Variants in SLC30A2 observed in about 807,000 individuals in gnomAD.
SLC30A2 encodes solute carrier family 30 member 2, also known as proton-coupled zinc antiporter SLC30A2.
Under a neutral mutation model 39.6 loss-of-function variants are expected in SLC30A2, and 19 were observed. That is an observed-to-expected ratio of 0.48 (90% CI 0.34 to 0.70). The LOEUF (loss-of-function observed/expected upper bound fraction) is 0.70. SLC30A2 is among the 30% of genes least tolerant of loss of function. The pLI is 0.01. For missense variants in SLC30A2, 387 were observed against 479.4 expected (o/e 0.81, Z 1.80); for synonymous variants, 195 against 194.8 (o/e 1.00, Z -0.01).
intron 4 of SLC30A2, 37 bp from the exon 5 acceptor site, chr1:26,042,745 G>A (rs772068028): frequency 6.2e-7 from 1 of 1,600,042 alleles, no homozygotes; most frequent in Non-Finnish European, 8.5e-7. Flanking sequence ...GCTCACTGAG[G>A]TCGCAGATGG....
intron 1 of SLC30A2, 190 bp from the exon 2 acceptor site, chr1:26,045,407 C>A: frequency 1.6e-6 from 1 of 615,818 alleles, no homozygotes; most frequent in Non-Finnish European, 2.8e-6. Flanking sequence ...TCCTGGGGCC[C>A]GGGGCCCTTC....
At position 26,041,888 on chromosome 1, in the gene SLC30A2, G is replaced by C. The variant is rs555436601; in HGVS notation, c.733-83C>G. 9.7e-6 allele frequency: 8 copies of C among 826,286 alleles called. No individual in the cohort carries two copies. In the Admixed American group the frequency reaches 1.7e-4, roughly 17 times the overall value. 51.2% of individuals were successfully genotyped at this position (826,286 alleles called of 1,614,324 possible). A position where few individuals can be genotyped will look rare whatever the true frequency, so the allele number is the denominator to read the frequency against. On this transcript the variant is annotated intron_variant, in intron 5 of 7. Coordinates refer to ENST00000374276, the MANE Select transcript of SLC30A2 (RefSeq NM_001004434.3). ...TCTCCCCTCCCACCCAGCACTGCTG[G>C]GGAGAGGTGCTCTCTCTGCTGGGTG... is the stretch of plus-strand genomic sequence containing the variant.
intron 1 of SLC30A2, 137 bp from the exon 2 acceptor site, chr1:26,045,354 G>A: frequency 1.5e-6 from 1 of 686,122 alleles, no homozygotes; most frequent in Non-Finnish European, 2.4e-6. Context: ...CAAACCAGAG[G>A]TGAGAAGCCT....
intron 6 of SLC30A2, among the ~76,000 whole-genome samples, chr1:26,041,175 C>T (rs2050393538): frequency 6.6e-6 from 1 of 152,324 alleles, no homozygotes; most frequent in Non-Finnish European, 1.5e-5. Context: ...TCTCCAACCC[C>T]ACAAAGCACA....
chr1:26,042,377 G>A (rs539144145), intron 5 of SLC30A2, among the ~76,000 whole-genome samples, 172 bp downstream of exon 5: 144 of 152,342 alleles, frequency 9.5e-4, no homozygotes, highest in Non-Finnish European at 1.9e-3. Context: ...TTGTTGTGAG[G>A]ATCAGAAGTG....
chr1:26,042,668 G>A lies in SLC30A2; in HGVS notation c.613C>T (p.His205Tyr), dbSNP rs377645638. The A allele has an allele frequency of 1.9e-6, 3 of 1,614,164 alleles. No homozygotes were observed. Among genetic ancestry groups the A allele is most frequent in the Middle Eastern group, 3.3e-4 (2 of 6,058 alleles). The stretch of plus-strand genomic sequence containing the variant: ...TCCTCCTGCTGGTTGGTGGTGCCGT[G>A]GCTGTGCCCATGGCCAGACTGGTGA... Reference protein sequence around the residue: ...TLHQSGHGHSHGTTNQQEENP... With the variant: ...TLHQSGHGHSYGTTNQQEENP... Residue 205 changes from histidine to tyrosine, a missense_variant, in exon 5 of 8, where the codon CAC (histidine) becomes TAC (tyrosine). Transcript: ENST00000374276.
Position 26,039,686 on chromosome 1 carries a change from G to T in SLC30A2, c.973+91C>A. On this transcript the variant is annotated intron_variant, in intron 7 of 7. Coordinates refer to ENST00000374276, the MANE Select transcript of SLC30A2 (RefSeq NM_001004434.3). This position sits in a 1 kb window ranked among gnomAD's most constrained non-coding sequence, Gnocchi z 4.3. ...GCTGGGCTTGATGCATGGGCACTGTGAGCATCTGGGGTCACCTGGACCCGT... is the reference window on the plus strand; with the variant it reads ...GCTGGGCTTGATGCATGGGCACTGTTAGCATCTGGGGTCACCTGGACCCGT... 1 of 1,358,296 alleles carries T rather than the reference G, an allele frequency of 7.4e-7. No homozygotes were observed. The highest frequency in any genetic ancestry group is 1.0e-6 in the Non-Finnish European group (1 of 984,548). 84.1% of individuals were successfully genotyped at this position (1,358,296 alleles called of 1,614,324 possible).
At position 26,045,095 on chromosome 1, in the gene SLC30A2, C is replaced by T. The variant is rs141752286; in HGVS notation, c.173G>A (p.Gly58Asp). The change falls in exon 2 of 8, where the codon GGT becomes GAT. Residue 58 changes from glycine (G) to aspartate (D), a missense_variant. Coordinates refer to ENST00000374276, the MANE Select transcript of SLC30A2 (RefSeq NM_001004434.3). ...CTTGGGGTCACAGTGACTGTCAGGACCCTTCTGAGCATGGCAGTGATGGTT... is the reference window on the plus strand; with the variant it reads ...CTTGGGGTCACAGTGACTGTCAGGATCCTTCTGAGCATGGCAGTGATGGTT... ...QSNHHCHAQK[G>D]PDSHCDPKKG... is the part of the protein sequence containing the mutation. The T allele has an allele frequency of 1.9e-6, 3 of 1,614,092 alleles. No homozygotes were observed. Among genetic ancestry groups the T allele is most frequent in the Non-Finnish European group, 2.5e-6 (3 of 1,180,050 alleles).
intron 2 of SLC30A2, among the ~76,000 whole-genome samples, chr1:26,044,743 T>A (rs1200840291): frequency 2.0e-5 from 3 of 152,256 alleles, no homozygotes; most frequent in Non-Finnish European, 1.5e-5. Flanking sequence ...AGGCCTTCCC[T>A]TAGCTACGAG....
chr1:26,042,434 C>G (rs528608974), intron 5 of SLC30A2, 115 bp downstream of exon 5: 1 of 942,046 alleles, frequency 1.1e-6, no homozygotes, highest in East Asian at 2.4e-5. Flanking sequence ...CTCTCCCCAC[C>G]CTTTTCCCTA....
At position 26,043,478 on chromosome 1, in the gene SLC30A2, C is replaced by T; in HGVS notation, c.492G>A (p.Glu164=). The T allele has an allele frequency of 6.2e-7, 1 of 1,614,152 alleles. No individual in the cohort carries two copies. Among genetic ancestry groups the T allele is most frequent in the Non-Finnish European group, 8.5e-7 (1 of 1,180,018 alleles). Residue 164 remains glutamate (E), a synonymous_variant, in exon 4 of 8, where the codon GAG becomes GAA. Coordinates refer to ENST00000374276, the MANE Select transcript of SLC30A2 (RefSeq NM_001004434.3). ...TTTCATAGTCCCCAGAGATCAGCCG[C>T]TCCACAGCCAGGTACACCAGTACCC... ...VTGVLVYLAV[E]RLISGDYEID...
At chr1:26,045,695 A>T (rs1569711191) in intron 1 of SLC30A2, 152 bp downstream of exon 1, 2 of 1,296,078 alleles carry the variant, frequency 1.5e-6, no homozygotes, top group African/African-American at 2.9e-5. Flanking sequence ...CTTGGGCCAC[A>T]GCCCATTATC....
chr1:26,041,632 A>T (rs571930770), intron 6 of SLC30A2, 68 bp downstream of exon 6: 55 of 924,676 alleles, frequency 5.9e-5, no homozygotes, highest in Non-Finnish European at 9.0e-5. Flanking sequence ...AGACACACAC[A>T]TACCCTATTT....
intron 3 of SLC30A2, 122 bp from the exon 4 acceptor site, chr1:26,043,673 G>A (rs11585142): frequency 0.68 from 650,844 of 951,288 alleles, 229,218 homozygotes; most frequent in East Asian, 0.89. Flanking sequence ...GGGTCCCACT[G>A]GGCTCTGCTG....
intron 6 of SLC30A2, among the ~76,000 whole-genome samples, chr1:26,041,362 C>T (rs915574048): frequency 2.0e-5 from 3 of 152,150 alleles, no homozygotes; most frequent in Non-Finnish European, 2.9e-5. Flanking sequence ...GAGAAGGCAG[C>T]CAGAGCCTGG....
chr1:26,044,896 G>A, intron 2 of SLC30A2, 101 bp downstream of exon 2: 1 of 927,596 alleles, frequency 1.1e-6, no homozygotes, highest in Non-Finnish European at 1.8e-6. Context: ...AAGGCTTACT[G>A]TAGTGTGTGT....
chr1:26,042,015 T>C (rs1166509701), intron 5 of SLC30A2, among the ~76,000 whole-genome samples: 2 of 152,200 alleles, frequency 1.3e-5, no homozygotes, highest in Non-Finnish European at 2.9e-5. Context: ...AGGCAGTCCC[T>C]TCCCACCCCT....
chr1:26,043,642 T>A, intron 3 of SLC30A2, 91 bp from the exon 4 acceptor site: 1 of 1,368,728 alleles, frequency 7.3e-7, no homozygotes, highest in Non-Finnish European at 1.0e-6. Context: ...CCCACCCACC[T>A]CCCACACAAA....
At chr1:26,044,225 C>A in intron 3 of SLC30A2, 73 bp downstream of exon 3, 1 of 1,517,096 alleles carries the variant, frequency 6.6e-7, no homozygotes, top group Non-Finnish European at 9.1e-7. Context: ...CCACCCATTA[C>A]AGCCACCTAA....
Sources: gnomAD v4.1 joint callset for allele counts (sites outside exome capture counted in the v4.1 genomes callset) on GRCh38, gnomAD v4.1.1 for gene constraint, Gnocchi (gnomAD v3.1) non-coding constraint, MANE v1.5 for transcripts, NCBI Gene and HGNC (gene_info 2026-07-23, HGNC 2026-07-21) for gene names.